Variants in ZNF382 observed in about 807,000 individuals in gnomAD.
ZNF382 encodes zinc finger protein 382.
A neutral mutation model predicts 38.8 loss-of-function variants in ZNF382; 20 were observed. The observed-to-expected ratio is 0.51, with a 90% CI of 0.36 to 0.75. ZNF382 has a LOEUF of 0.75. Ranked by LOEUF, ZNF382 falls within the 30% of genes least tolerant of loss-of-function variation. ZNF382 has a pLI of 0.00. For synonymous variants in ZNF382, 202 were observed against 223.1 expected (o/e 0.91, Z 0.84); for missense variants, 546 against 654.1 (o/e 0.83, Z 1.80).
chr19:36,627,864 G>A lies in ZNF382; in HGVS notation c.*314G>A. 4.0e-6 allele frequency: 1 copy of A among 248,530 alleles called. No homozygotes were observed. The allele number at this position is 248,530 out of a possible 1,614,324, so 15.4% of individuals were successfully genotyped here. ...TCCATACATATCTTTTTGTTCATCA[G>A]TAATAACTAGTTGGCCAACTGACTG... On this transcript the variant is annotated 3_prime_UTR_variant, in exon 5 of 5. Coordinates refer to ENST00000292928, the MANE Select transcript of ZNF382 (RefSeq NM_032825.5).
chr19:36,620,815 A>G (rs2037163119), intron 4 of ZNF382, among the ~76,000 whole-genome samples: 1 of 151,288 alleles, frequency 6.6e-6, no homozygotes, highest in African/African-American at 2.4e-5. Context: ...CTGGAGTGCA[A>G]TGGCATGATC....
In ZNF382 at chr19:36,627,010, C is replaced by T. The variant is rs1179500367; in HGVS notation, c.1113C>T (p.His371=). The change falls in exon 5 of 5, where the codon CAC becomes CAT. Residue 371 remains histidine (H), a synonymous_variant. Transcript: ENST00000292928. The stretch of plus-strand genomic sequence containing the variant: ...AGAAGGCCACCCTCACTAGACATCA[C>T]AAAACACATACGGGGGAGAAAGCCT... ...FRQKATLTRH[H]KTHTGEKAYE... The T allele has an allele frequency of 1.2e-6, 2 of 1,613,800 alleles. No individual in the cohort carries two copies. Among genetic ancestry groups the T allele is most frequent in the Admixed American group, 1.7e-5 (1 of 59,962 alleles).
intron 3 of ZNF382, 197 bp from the exon 4 acceptor site, chr19:36,610,453 C>CA (rs549626213): frequency 0.1 from 30,100 of 296,062 alleles, 84 homozygotes; most frequent in South Asian, 0.17. Context: ...GAGACTGTCT[C>CA]AAAAAAAAAA....
At position 36,628,228 on chromosome 19, in the gene ZNF382, A is replaced by G. The variant is rs921322518; in HGVS notation, c.*678A>G. ...CATTCTGCTGTTGATGGACTTTTAC[A>G]TTGTTTACAGCTTAGGGTCATAATA... On this transcript the variant is annotated 3_prime_UTR_variant, in exon 5 of 5. Transcript: ENST00000292928. The G allele has an allele frequency of 6.6e-6, 1 of 152,232 alleles. No homozygotes were observed. The highest frequency in any genetic ancestry group is 1.5e-5 in the Non-Finnish European group (1 of 68,086). The allele number at this position is 152,232 out of a possible 1,614,324, so 9.4% of individuals were successfully genotyped here. A position where few individuals can be genotyped will look rare whatever the true frequency, so the allele number is the denominator to read the frequency against.
intron 4 of ZNF382, among the ~76,000 whole-genome samples, chr19:36,612,718 G>A (rs1278982192): frequency 6.6e-6 from 1 of 152,166 alleles, no homozygotes; most frequent in Non-Finnish European, 1.5e-5. Context: ...AACTAATAAT[G>A]TTGAAAACTT....
At chr19:36,614,944 T>C (rs1261013170) in intron 4 of ZNF382, among the ~76,000 whole-genome samples, 3 of 140,748 alleles carry the variant, frequency 2.1e-5, no homozygotes, top group Non-Finnish European at 4.6e-5. Flanking sequence ...TCCCTTTCCC[T>C]TTCCCTTTCC....
intron 4 of ZNF382, among the ~76,000 whole-genome samples, chr19:36,618,808 C>T (rs1310126560): frequency 1.3e-5 from 2 of 152,052 alleles, no homozygotes; most frequent in Non-Finnish European, 2.9e-5. Flanking sequence ...GAGGCTGCGA[C>T]GGGAGGATCA....
rs758219017 is a variant in ZNF382, at chr19:36,626,366, A to G, written c.469A>G (p.Ile157Val). The change falls in exon 5 of 5, where the codon ATA becomes GTA. Residue 157 changes from isoleucine to valine, a missense_variant. Coordinates refer to ENST00000292928, the MANE Select transcript of ZNF382 (RefSeq NM_032825.5). ...ACTAGTCATTAGAAATATAAGCCCC[A>G]TAAAAGAGAAGTTTGGTGACAGTAC... ...SELVIRNISP[I>V]KEKFGDSTGW... 1 of 1,579,376 alleles carries G rather than the reference A, an allele frequency of 6.3e-7. No homozygotes were observed. The highest frequency in any genetic ancestry group is 2.2e-5 in the East Asian group (1 of 44,686).
intron 4 of ZNF382, among the ~76,000 whole-genome samples, chr19:36,625,582 A>G (rs912860802): frequency 6.7e-6 from 1 of 148,410 alleles, no homozygotes; most frequent in African/African-American, 2.5e-5. Flanking sequence ...GCGGGGGGAC[A>G]GAGTTTCGCT....
chr19:36,622,083 G>A (rs560540156), intron 4 of ZNF382, among the ~76,000 whole-genome samples: 37 of 151,134 alleles, frequency 2.4e-4, no homozygotes, highest in South Asian at 4.2e-4. Flanking sequence ...GTGCAGTGGC[G>A]TGATCTTGGC....
intron 3 of ZNF382, 22 bp from the exon 4 acceptor site, chr19:36,610,628 A>C: frequency 6.3e-7 from 1 of 1,598,378 alleles, no homozygotes; most frequent in Non-Finnish European, 8.5e-7. Context: ...CTTAGACCAA[A>C]AGTCTCATTT....
chr19:36,606,293 A>G (rs1410047329), intron 1 of ZNF382, among the ~76,000 whole-genome samples: 1 of 150,028 alleles, frequency 6.7e-6, no homozygotes, highest in Non-Finnish European at 1.5e-5. Flanking sequence ...ATAGCATTCC[A>G]TTGGGGACAT....
At chr19:36,607,814 C>G (rs2037046764) in intron 2 of ZNF382, 192 bp downstream of exon 2, 1 of 579,774 alleles carries the variant, frequency 1.7e-6, no homozygotes, top group African/African-American at 1.9e-5. Flanking sequence ...CAGGGCTGTG[C>G]CCTCCTAAAT....
intron 2 of ZNF382, 196 bp from the exon 3 acceptor site, chr19:36,609,706 G>A: frequency 2.1e-6 from 1 of 479,120 alleles, no homozygotes; most frequent in Non-Finnish European, 3.5e-6. Flanking sequence ...GGTCTACCAG[G>A]CAACCAGTCA....
intron 2 of ZNF382, 51 bp from the exon 3 acceptor site, chr19:36,609,851 T>C: frequency 1.3e-6 from 2 of 1,493,426 alleles, no homozygotes; most frequent in Non-Finnish European, 1.8e-6. Flanking sequence ...GTAAACATTG[T>C]CAGTACTAGG....
intron 4 of ZNF382, among the ~76,000 whole-genome samples, chr19:36,616,549 A>G (rs3096631): frequency 0.32 from 49,398 of 152,038 alleles, 8,391 homozygotes; most frequent in South Asian, 0.42. Flanking sequence ...TCTTTGCTCC[A>G]CTTTATATTT....
chr19:36,616,235 AGT>A (rs1316579689), intron 4 of ZNF382, among the ~76,000 whole-genome samples: 1 of 152,130 alleles, frequency 6.6e-6, no homozygotes, highest in Non-Finnish European at 1.5e-5. Flanking sequence ...ATCCCAGTGC[AGT>A]GGTGTGCACC....
rs2037267093 is a variant in ZNF382, at chr19:36,633,629, C to A, written c.*6079C>A. On this transcript the variant is annotated 3_prime_UTR_variant, in exon 5 of 5. Transcript: ENST00000292928. ...AATTATGTGCACACAGAAACCTGTA[C>A]ATGAGTGTTTGTAAGTATTATTTAT... 1 of 151,738 alleles carries A rather than the reference C, an allele frequency of 6.6e-6. No homozygotes were observed. The highest frequency in any genetic ancestry group is 2.4e-5 in the African/African-American group (1 of 41,272). 9.4% of individuals were successfully genotyped at this position (151,738 alleles called of 1,614,324 possible).
intron 2 of ZNF382, chr19:36,609,302 TG>T: frequency 6.6e-6 from 1 of 152,340 alleles, no homozygotes; most frequent in South Asian, 2.1e-4. Flanking sequence ...TTAAGACCAC[TG>T]TTCTGTAGGA....
Sources: gnomAD v4.1 joint callset for allele counts (sites outside exome capture counted in the v4.1 genomes callset) on GRCh38, gnomAD v4.1.1 for gene constraint, MANE v1.5 for transcripts, NCBI Gene and HGNC (gene_info 2026-07-23, HGNC 2026-07-21) for gene names.